The following CCDC170 variants were observed in gnomAD, a reference collection of about 807,000 sequenced individuals.
CCDC170 encodes the protein coiled-coil domain-containing protein 170.
CCDC170 carries 69 observed loss-of-function variants against 72.6 expected under a neutral mutation model. The ratio of observed to expected loss-of-function variants is 0.95; its 90% CI spans 0.78 to 1.16. The LOEUF is 1.16. Ranked by LOEUF, CCDC170 falls within the 50% of genes most tolerant of loss-of-function variation. The probability of loss-of-function intolerance (pLI) is 0.00; values close to 1 mark genes in which losing one functional copy is unlikely to be tolerated. For missense variants in CCDC170, 852 were observed against 832.5 expected, an observed-to-expected ratio of 1.02 and a Z score of -0.29; for synonymous variants, 300 against 303.9, an observed-to-expected ratio of 0.99 and a Z score of 0.13.
In CCDC170 at chr6:151,592,984, C is replaced by T. The variant is rs537244579; in HGVS notation, c.1294-123C>T. On this transcript the variant is annotated intron_variant, in intron 7 of 10. Transcript: ENST00000239374. ...CACATATGGGTCAGAGTCCGTGCTC[C>T]GTTCCATGCTCTCTGCAAAGGAGAA... 2.2e-4 allele frequency: 229 copies of T among 1,039,692 alleles called. 1 individual carries two copies. The African/African-American group carries it at 2.6e-3, about 12-fold the overall frequency. The allele number at this position is 1,039,692 out of a possible 1,614,324, so 64.4% of individuals were successfully genotyped here. A position where few individuals can be genotyped will look rare whatever the true frequency, so the allele number is the denominator to read the frequency against.
chr6:151,586,045 T>C lies in CCDC170; in HGVS notation c.1249T>C (p.Ser417Pro), dbSNP rs776684296. 7 of 1,614,056 alleles carry C rather than the reference T, an allele frequency of 4.3e-6. No individual in the cohort carries two copies. The African/African-American group carries it at 9.3e-5, about 22-fold the overall frequency. Reference sequence around the variant, plus strand: ...GACACACCTGGAGGCAGAGCTGGTTTCTGGAGGTGTTTTGCGAGACAACTT... The same window carrying C: ...GACACACCTGGAGGCAGAGCTGGTTCCTGGAGGTGTTTTGCGAGACAACTT... ...QLTHLEAELV[S>P]GGVLRDNLNF... is the part of the protein sequence containing the mutation. Residue 417 changes from serine to proline, a missense_variant, in exon 7 of 11, where the codon TCT (serine) becomes CCT (proline). Transcript: ENST00000239374.
At chr6:151,534,677 G>A (rs1222344179) in intron 1 of CCDC170, among the ~76,000 whole-genome samples, 1 of 152,140 alleles carries the variant, frequency 6.6e-6, no homozygotes, top group African/African-American at 2.4e-5. Flanking sequence ...TGCTATGATT[G>A]GCAAACAGTA....
chr6:151,540,447 G>A (rs1216990761), intron 3 of CCDC170, among the ~76,000 whole-genome samples: 1 of 130,798 alleles, frequency 7.6e-6, no homozygotes, highest in Admixed American at 8.5e-5. Flanking sequence ...TGCAGTGGGT[G>A]TGATCTTGGC....
intron 1 of CCDC170, among the ~76,000 whole-genome samples, chr6:151,517,557 T>C (rs1434895131): frequency 6.6e-6 from 1 of 151,644 alleles, no homozygotes; most frequent in East Asian, 2.0e-4. Context: ...CTCAGTCTCC[T>C]GAGTAGCTGA....
At chr6:151,590,558 G>A (rs1163729985) in intron 7 of CCDC170, among the ~76,000 whole-genome samples, 3 of 152,208 alleles carry the variant, frequency 2.0e-5, no homozygotes, top group African/African-American at 7.2e-5. Flanking sequence ...GAGTTTAAAT[G>A]CTAAATGCAG....
At chr6:151,601,281 G>C (rs1013977500) in intron 9 of CCDC170, among the ~76,000 whole-genome samples, 1 of 152,180 alleles carries the variant, frequency 6.6e-6, no homozygotes. Context: ...CCATGATTCA[G>C]TTATCTCCAA....
chr6:151,545,940 C>A (rs1325163108), intron 4 of CCDC170, among the ~76,000 whole-genome samples: 1 of 151,954 alleles, frequency 6.6e-6, no homozygotes, highest in Admixed American at 6.6e-5. Flanking sequence ...AGCACCCATG[C>A]ATCATTTTTT....
intron 6 of CCDC170, among the ~76,000 whole-genome samples, chr6:151,574,788 G>A (rs181596366): frequency 3.9e-5 from 6 of 152,260 alleles, no homozygotes; most frequent in Admixed American, 2.6e-4. Context: ...GTATCTGGCC[G>A]ATCAGGTTAT....
At chr6:151,505,149 T>A (rs1276486679) in intron 1 of CCDC170, among the ~76,000 whole-genome samples, 1 of 152,116 alleles carries the variant, frequency 6.6e-6, no homozygotes, top group East Asian at 1.9e-4. Flanking sequence ...TCATTCATTC[T>A]ACTCCTAGGA....
chr6:151,575,431 CAAAA>C (rs537055596), intron 6 of CCDC170, among the ~76,000 whole-genome samples: 2 of 91,746 alleles, frequency 2.2e-5, no homozygotes, highest in Admixed American at 2.4e-4. Flanking sequence ...AGACTCTGTC[CAAAA>C]AAAAAAAAAA....
rs1776999011 is a variant in CCDC170, at chr6:151,618,102, T to C, written c.2103T>C (p.Thr701=). ...VTCACLKDVT[T]GQERHPQGHL... is the part of the protein sequence containing the mutation. The stretch of plus-strand genomic sequence containing the variant: ...GTGCCTGCCTCAAAGATGTGACTAC[T>C]GGGCAAGAGAGGCACCCACAAGGCC... The change falls in exon 11 of 11, where the codon ACT becomes ACC. Residue 701 remains threonine, a synonymous_variant. Transcript: ENST00000239374. The C allele has an allele frequency of 6.2e-7, 1 of 1,614,172 alleles. No homozygotes were observed. Among genetic ancestry groups the C allele is most frequent in the Non-Finnish European group, 8.5e-7 (1 of 1,180,038 alleles).
chr6:151,608,013 C>T (rs972820738), intron 9 of CCDC170, among the ~76,000 whole-genome samples: 1 of 152,034 alleles, frequency 6.6e-6, no homozygotes, highest in Non-Finnish European at 1.5e-5. Context: ...GCCACATAGA[C>T]TTTCTTCATT....
intron 9 of CCDC170, among the ~76,000 whole-genome samples, chr6:151,606,429 C>T (rs566816404): frequency 1.3e-5 from 2 of 152,194 alleles, no homozygotes; most frequent in Non-Finnish European, 2.9e-5. Flanking sequence ...TGTAGAATTT[C>T]CAAAGTTTCT....
In CCDC170 at chr6:151,618,847, C is replaced by G. The variant is rs1161146124; in HGVS notation, c.*700C>G. 6.6e-6 allele frequency: 1 copy of G among 151,930 alleles called. No individual in the cohort carries two copies. The highest frequency in any genetic ancestry group is 2.4e-5 in the African/African-American group (1 of 41,332). The allele number at this position is 151,930 out of a possible 1,614,324, so 9.4% of individuals were successfully genotyped here. ...CTAACATAGTGAGACCCTGTTTCTA[C>G]TAAAAATACAAAAATAAGCCAGGTG... is the stretch of plus-strand genomic sequence containing the variant. On this transcript the variant is annotated 3_prime_UTR_variant, in exon 11 of 11. Coordinates refer to ENST00000239374, the MANE Select transcript of CCDC170 (RefSeq NM_025059.4).
intron 6 of CCDC170, 108 bp downstream of exon 6, chr6:151,573,599 C>A: frequency 9.6e-7 from 1 of 1,042,788 alleles, no homozygotes; most frequent in South Asian, 1.7e-5. Flanking sequence ...AAGAAATACC[C>A]GAGACTGGGT....
rs1562295004 is a variant in CCDC170 at position 151,596,499 on chromosome 6, G to C, written c.1632G>C (p.Arg544Ser). 1 of 1,614,130 alleles carries C rather than the reference G, an allele frequency of 6.2e-7. No individual in the cohort carries two copies. Among genetic ancestry groups the C allele is most frequent in the East Asian group, 2.2e-5 (1 of 44,884 alleles). Residue 544 changes from arginine (R) to serine (S), a missense_variant, in exon 9 of 11, where the codon AGG (arginine) becomes AGC (serine). Coordinates refer to ENST00000239374, the MANE Select transcript of CCDC170 (RefSeq NM_025059.4). ...TIRNLQKKVE[R>S]LQKELNTCRD... ...GGAACTTGCAGAAGAAGGTGGAGAG[G>C]CTGCAGAAAGAGCTGAACACGTGTC...
At chr6:151,509,952 G>T (rs150983144) in intron 1 of CCDC170, among the ~76,000 whole-genome samples, 1 of 152,030 alleles carries the variant, frequency 6.6e-6, no homozygotes, top group African/African-American at 2.4e-5. Context: ...GTGAAACTCC[G>T]TCTCCACTAA....
intron 1 of CCDC170, among the ~76,000 whole-genome samples, chr6:151,507,069 C>T (rs1011289272): frequency 6.6e-6 from 1 of 152,162 alleles, no homozygotes; most frequent in African/African-American, 2.4e-5. Flanking sequence ...CACAGGGGAA[C>T]TTCACTGTGA....
intron 4 of CCDC170, among the ~76,000 whole-genome samples, chr6:151,546,497 G>C (rs1782773535): frequency 6.6e-6 from 1 of 152,050 alleles, no homozygotes; most frequent in South Asian, 2.1e-4. Context: ...CCGGGGTCTT[G>C]CTGAGCCGGG....
Sources: gnomAD v4.1 joint callset for allele counts (sites outside exome capture counted in the v4.1 genomes callset) on GRCh38, gnomAD v4.1.1 for gene constraint, MANE v1.5 for transcripts, NCBI Gene and HGNC (gene_info 2026-07-23, HGNC 2026-07-21) for gene names.